The following ACP6 variants were observed in gnomAD, a reference collection of about 807,000 sequenced individuals.
ACP6 encodes acid phosphatase 6, lysophosphatidic.
In ACP6, 48 loss-of-function variants were observed where a neutral mutation model predicts 48.1. That is an observed-to-expected ratio of 1.00 (90% CI 0.79 to 1.27). The LOEUF is 1.27. Among genes scored for constraint, ACP6 ranks in the 50% most tolerant of loss-of-function variants. ACP6 has a pLI of 0.00. For synonymous variants in ACP6, 172 were observed against 204.2 expected, an observed-to-expected ratio of 0.84 and a Z score of 1.34; for missense variants, 485 against 529.1, an observed-to-expected ratio of 0.92 and a Z score of 0.82.
At chr1:147,661,778 A>T (rs1354347745) in intron 1 of ACP6, among the ~76,000 whole-genome samples, 2 of 152,236 alleles carry the variant, frequency 1.3e-5, no homozygotes, top group African/African-American at 4.8e-5. Flanking sequence ...GTGAACACAC[A>T]AACAATGAGA....
rs143507847 is a variant in ACP6, at chr1:147,647,308, A to C, written c.*115T>G. ...ACCCACAGAAAGGAAATATCCTTAC[A>C]TTATATTAAAGTACATTACCCCTTG... On this transcript the variant is annotated 3_prime_UTR_variant, in exon 10 of 10. Transcript: ENST00000583509. 1,365 of 1,226,454 alleles carry C rather than the reference A, an allele frequency of 1.1e-3. 11 individuals are homozygous for C. In the African/African-American group the frequency reaches 0.018, roughly 16 times the overall value. 76.0% of individuals were successfully genotyped at this position (1,226,454 alleles called of 1,614,324 possible). A position where few individuals can be genotyped will look rare whatever the true frequency, so the allele number is the denominator to read the frequency against.
chr1:147,667,260 C>T (rs1192574783), intron 1 of ACP6, among the ~76,000 whole-genome samples: 2 of 152,130 alleles, frequency 1.3e-5, no homozygotes, highest in African/African-American at 2.4e-5. Context: ...CTCTATCACC[C>T]AGGGTAGAGT....
At chr1:147,661,358 C>T (rs1553212707) in intron 1 of ACP6, among the ~76,000 whole-genome samples, 1 of 151,578 alleles carries the variant, frequency 6.6e-6, no homozygotes, top group Non-Finnish European at 1.5e-5. Context: ...GTTTCCCAGG[C>T]TGATCCTGAA....
Position 147,645,887 on chromosome 1 carries a change from T to C in ACP6, c.*1536A>G, listed in dbSNP as rs1659605387. The C allele has an allele frequency of 6.6e-6, 1 of 152,070 alleles. No individual in the cohort carries two copies. The highest frequency in any genetic ancestry group is 6.5e-5 in the Admixed American group (1 of 15,272). 9.4% of individuals were successfully genotyped at this position (152,070 alleles called of 1,614,324 possible). A position where few individuals can be genotyped will look rare whatever the true frequency, so the allele number is the denominator to read the frequency against. Reference sequence around the variant, plus strand: ...AATTGGTCAGGAAAAAAATTGACAATCCAGAAAAAAGACACTAGGAGTCAA... The same window carrying C: ...AATTGGTCAGGAAAAAAATTGACAACCCAGAAAAAAGACACTAGGAGTCAA... On this transcript the variant is annotated 3_prime_UTR_variant, in exon 10 of 10. Coordinates refer to ENST00000583509, the MANE Select transcript of ACP6 (RefSeq NM_016361.5).
rs781986500 is a variant in ACP6, at chr1:147,648,216, C to T, written c.1143+30G>A. 5.0e-6 allele frequency: 8 copies of T among 1,611,024 alleles called. No individual in the cohort carries two copies. In the Admixed American group the frequency reaches 1.0e-4, roughly 20 times the overall value. On this transcript the variant is annotated intron_variant, in intron 9 of 9. Coordinates refer to ENST00000583509, the MANE Select transcript of ACP6 (RefSeq NM_016361.5). Reference sequence around the variant, plus strand: ...TGGGTTTTGCAGGAGGGTGCCTCACCACCACCCAACCCCACCTCAGGGGTA... The same window carrying T: ...TGGGTTTTGCAGGAGGGTGCCTCACTACCACCCAACCCCACCTCAGGGGTA...
In ACP6 at chr1:147,652,730, A is replaced by T; in HGVS notation, c.781-181T>A. 4.6e-5 allele frequency: 56 copies of T among 1,213,024 alleles called. 1 individual carries two copies. Among genetic ancestry groups the T allele is most frequent in the Non-Finnish European group, 6.4e-5 (56 of 870,784 alleles). The allele number at this position is 1,213,024 out of a possible 1,614,324, so 75.1% of individuals were successfully genotyped here. A position where few individuals can be genotyped will look rare whatever the true frequency, so the allele number is the denominator to read the frequency against. ...ATGTCTCTAAAGCTCTTCCAAAGCT[A>T]TTACTAGATACCTGAAGGCCAGGAA... On this transcript the variant is annotated intron_variant, in intron 6 of 9. Coordinates refer to ENST00000583509, the MANE Select transcript of ACP6 (RefSeq NM_016361.5).
chr1:147,665,338 T>A (rs1030401033), intron 1 of ACP6, among the ~76,000 whole-genome samples: 1 of 152,270 alleles, frequency 6.6e-6, no homozygotes, highest in South Asian at 2.1e-4. Flanking sequence ...ATAGAGGAGG[T>A]AGATGTAAGA....
rs1659522547 is a variant in ACP6, at chr1:147,643,592, T to A, written c.*3831A>T. On this transcript the variant is annotated 3_prime_UTR_variant, in exon 10 of 10. Coordinates refer to ENST00000583509, the MANE Select transcript of ACP6 (RefSeq NM_016361.5). ...AGGTGCTCACCCCGAGGTGAGGACA[T>A]GGCTCAGGACTACTTGGCATACTCC... The A allele has an allele frequency of 1.3e-5, 2 of 152,200 alleles. No individual in the cohort carries two copies. The highest frequency in any genetic ancestry group is 4.1e-4 in the South Asian group (2 of 4,828). The allele number at this position is 152,200 out of a possible 1,614,324, so 9.4% of individuals were successfully genotyped here. A position where few individuals can be genotyped will look rare whatever the true frequency, so the allele number is the denominator to read the frequency against.
chr1:147,652,986 C>T lies in ACP6; in HGVS notation c.781-437G>A, dbSNP rs1660032142. ...GGACTACAGGTGCCCGCCACCACGC[C>T]CGGCTAATTTTTTTGTATTTTTAGT... is the stretch of plus-strand genomic sequence containing the variant. On this transcript the variant is annotated intron_variant, in intron 6 of 9. Coordinates refer to ENST00000583509, the MANE Select transcript of ACP6 (RefSeq NM_016361.5). Among the ~76,000 whole-genome samples, 7 of 152,284 alleles carry T rather than the reference C, an allele frequency of 4.6e-5. No individual in the cohort carries two copies. The South Asian group carries it at 1.4e-3, about 32-fold the overall frequency.
rs2153463 is a variant in ACP6 at position 147,652,507 on chromosome 1, T to G, written c.823A>C (p.Arg275=). 1,138,592 of 1,613,726 alleles carry G rather than the reference T, an allele frequency of 0.71. 403,075 individuals carry two copies. The highest frequency in any genetic ancestry group is 0.8 in the Admixed American group (48,021 of 59,992). ...PSCPMLKRFA[R]MIEQRAVDTS... Reference sequence around the variant, plus strand: ...TCCACAGCTCTCTGTTCGATCATCCTTGCAAATCTCTTCAGCATGGGGCAG... The same window carrying G: ...TCCACAGCTCTCTGTTCGATCATCCGTGCAAATCTCTTCAGCATGGGGCAG... The change falls in exon 7 of 10, where the codon AGG becomes CGG. Residue 275 remains arginine (R), a synonymous_variant. Coordinates refer to ENST00000583509, the MANE Select transcript of ACP6 (RefSeq NM_016361.5).
intron 1 of ACP6, among the ~76,000 whole-genome samples, chr1:147,665,950 T>A (rs1660773251): frequency 6.6e-6 from 1 of 152,218 alleles, no homozygotes; most frequent in African/African-American, 2.4e-5. Context: ...TGTATACCCC[T>A]CTTCAAGGGG....
intron 9 of ACP6, 112 bp from the exon 10 acceptor site, chr1:147,647,678 C>A (rs1285618442): frequency 1.5e-6 from 2 of 1,377,396 alleles, no homozygotes; most frequent in Admixed American, 2.8e-5. Flanking sequence ...CATGTGCATA[C>A]ATATTACAGA....
intron 1 of ACP6, among the ~76,000 whole-genome samples, chr1:147,660,182 T>A (rs1553212520): frequency 2.0e-5 from 3 of 152,212 alleles, no homozygotes; most frequent in Admixed American, 2.0e-4. Context: ...ATATGCCCTA[T>A]CCCAGCTTAA....
chr1:147,654,199 C>T lies in ACP6; in HGVS notation c.775G>A (p.Glu259Lys), dbSNP rs782095829. The change falls in exon 6 of 10, where the codon GAG (glutamate) becomes AAG (lysine). Residue 259 changes from glutamate (E) to lysine (K), a missense_variant. Physicochemically the swap from Glu to Lys is moderately conservative, Grantham distance 56. Transcript: ENST00000583509. Reference protein sequence around the residue: ...FFILLDNVAAEQAHNLPSCPM... With the variant: ...FFILLDNVAAKQAHNLPSCPM... ...TCCCCAACCCCAGGACTCACCTGCTCGGCAGCCACGTTGTCCAGGAGGATG... is the reference window on the plus strand; with the variant it reads ...TCCCCAACCCCAGGACTCACCTGCTTGGCAGCCACGTTGTCCAGGAGGATG... The T allele has an allele frequency of 1.4e-5, 23 of 1,613,900 alleles. No individual in the cohort carries two copies. Among genetic ancestry groups the T allele is most frequent in the Non-Finnish European group, 1.7e-5 (20 of 1,179,970 alleles).
downstream of ACP6, among the ~76,000 whole-genome samples, chr1:147,640,063 C>T (rs1659408505): frequency 6.6e-6 from 1 of 152,118 alleles, no homozygotes; most frequent in Admixed American, 6.5e-5. Context: ...GCCCCAAATA[C>T]AAGAAGATGC....
intron 1 of ACP6, among the ~76,000 whole-genome samples, chr1:147,661,883 A>C (rs1245996151): frequency 8.5e-5 from 13 of 152,240 alleles, no homozygotes; most frequent in African/African-American, 1.2e-4. Flanking sequence ...TCATAGCTAG[A>C]GAGAAAGTCA....
In ACP6 at chr1:147,646,800, TA is replaced by T. The variant is rs1463359244; in HGVS notation, c.*622del. Reference sequence around the variant, plus strand: ...CTGACCTTGAAGCCTATCCTTTATCTAAACGCAACACGCTTTCATCCTTGCT... The same window carrying T: ...CTGACCTTGAAGCCTATCCTTTATCTAACGCAACACGCTTTCATCCTTGCT... On this transcript the variant is annotated 3_prime_UTR_variant, in exon 10 of 10. Transcript: ENST00000583509. The T allele has an allele frequency of 1.3e-5, 2 of 152,556 alleles. No individual in the cohort carries two copies. Among genetic ancestry groups the T allele is most frequent in the Non-Finnish European group, 2.9e-5 (2 of 68,194 alleles). 9.5% of individuals were successfully genotyped at this position (152,556 alleles called of 1,614,324 possible). A position where few individuals can be genotyped will look rare whatever the true frequency, so the allele number is the denominator to read the frequency against.
intron 3 of ACP6, 158 bp downstream of exon 3, chr1:147,659,238 C>T: frequency 1.7e-6 from 2 of 1,161,020 alleles, no homozygotes; most frequent in Non-Finnish European, 2.4e-6. Flanking sequence ...CCAGGAACGA[C>T]CTGTTCACCA....
chr1:147,655,200 G>T lies in ACP6; in HGVS notation c.608C>A (p.Pro203His). The T allele has an allele frequency of 6.2e-7, 1 of 1,609,322 alleles. No homozygotes were observed. The highest frequency in any genetic ancestry group is 1.1e-5 in the South Asian group (1 of 89,898). Residue 203 changes from proline to histidine, a missense_variant, in exon 5 of 10, where the codon CCC becomes CAC. Transcript: ENST00000583509. ...CAGGCTCCAGCAGCTTTGGTAGTTGGGATACAAGACTTCTGAATCTGCTTC... is the reference window on the plus strand; with the variant it reads ...CAGGCTCCAGCAGCTTTGGTAGTTGTGATACAAGACTTCTGAATCTGCTTC... ...TDEADSEVLY[P>H]NYQSCWSLRQ...
Sources: allele counts gnomAD v4.1 joint callset (sites outside exome capture counted in the v4.1 genomes callset), GRCh38; gene constraint gnomAD v4.1.1; transcripts MANE v1.5; gene names NCBI Gene and HGNC (gene_info 2026-07-23, HGNC 2026-07-21).